SYNPR: variants seen among roughly 807,000 people sequenced by gnomAD.
The protein encoded by SYNPR is synaptoporin.
Under a neutral mutation model 32.9 loss-of-function variants are expected in SYNPR, and 23 were observed. That is an observed-to-expected ratio of 0.70 (90% CI 0.50 to 0.99). The LOEUF (loss-of-function observed/expected upper bound fraction) is 0.99, where lower values mean the gene tolerates loss of function less well. SYNPR is among the 50% of genes least tolerant of loss of function. SYNPR has a pLI of 0.00. For synonymous variants in SYNPR, 146 were observed against 135.9 expected (o/e 1.07, Z -0.52); for missense variants, 318 against 349.3 (o/e 0.91, Z 0.71).
intron 3 of SYNPR, among the ~76,000 whole-genome samples, chr3:63,512,868 C>T (rs997712444): frequency 5.9e-5 from 9 of 152,040 alleles, no homozygotes; most frequent in Non-Finnish European, 1.2e-4. Context: ...AAAACTAATA[C>T]GGGGTTCAAA....
chr3:63,264,321 G>A (rs1208114468), intron 2 of SYNPR, among the ~76,000 whole-genome samples: 2 of 152,104 alleles, frequency 1.3e-5, no homozygotes, highest in Admixed American at 1.3e-4. Context: ...AAGATTAGCA[G>A]ATCGGTGATG....
At chr3:63,435,578 C>T (rs1700069072) in intron 2 of SYNPR, among the ~76,000 whole-genome samples, 1 of 152,178 alleles carries the variant, frequency 6.6e-6, no homozygotes, top group Non-Finnish European at 1.5e-5. Flanking sequence ...ACCCTGGTTC[C>T]TTTGACTGCC....
At chr3:63,304,565 C>T (rs2086891029) in intron 2 of SYNPR, among the ~76,000 whole-genome samples, 2 of 151,920 alleles carry the variant, frequency 1.3e-5, no homozygotes, top group African/African-American at 4.8e-5. Flanking sequence ...TGTCTTTCTC[C>T]TGGAGCCTCC....
At chr3:63,455,089 C>A (rs1700456840) in intron 2 of SYNPR, among the ~76,000 whole-genome samples, 1 of 151,988 alleles carries the variant, frequency 6.6e-6, no homozygotes, top group African/African-American at 2.4e-5. Context: ...TTCTTACTGG[C>A]CCTAATTTGA....
intron 2 of SYNPR, among the ~76,000 whole-genome samples, chr3:63,342,312 G>C (rs1421475652): frequency 6.6e-6 from 1 of 152,058 alleles, no homozygotes; most frequent in African/African-American, 2.4e-5. Context: ...TGTTTGTTTA[G>C]CGTTTTAAAC....
intron 2 of SYNPR, among the ~76,000 whole-genome samples, chr3:63,470,361 A>G (rs1252125809): frequency 1.3e-5 from 2 of 152,170 alleles, no homozygotes; most frequent in Admixed American, 6.5e-5. Context: ...ATTTTTTTAT[A>G]GGAATGAAAA....
intron 2 of SYNPR, among the ~76,000 whole-genome samples, chr3:63,380,051 T>C (rs1575616931): frequency 6.6e-6 from 1 of 152,202 alleles, no homozygotes; most frequent in Non-Finnish European, 1.5e-5. Flanking sequence ...TATTCCATGG[T>C]GTATATGTGC....
At chr3:63,307,971 G>C (rs1165117068) in intron 2 of SYNPR, among the ~76,000 whole-genome samples, 1 of 151,922 alleles carries the variant, frequency 6.6e-6, no homozygotes, top group Admixed American at 6.6e-5. Context: ...AATGAATAAG[G>C]ACTTTTATCC....
intron 3 of SYNPR, among the ~76,000 whole-genome samples, chr3:63,553,037 C>T (rs1454214529): frequency 2.0e-5 from 3 of 151,988 alleles, no homozygotes; most frequent in Non-Finnish European, 4.4e-5. Flanking sequence ...GGGAATATTG[C>T]ACCCAGGCAG....
chr3:63,365,762 C>A (rs780528652), intron 2 of SYNPR, among the ~76,000 whole-genome samples: 2 of 152,106 alleles, frequency 1.3e-5, no homozygotes, highest in Non-Finnish European at 1.5e-5. Context: ...GCGATATATA[C>A]GTATGTGCAC....
chr3:63,281,732 G>A (rs1223882014), intron 2 of SYNPR, among the ~76,000 whole-genome samples: 4 of 152,096 alleles, frequency 2.6e-5, no homozygotes, highest in African/African-American at 4.8e-5. Context: ...TGTGAACTTG[G>A]GGGGAGGCAT....
intron 3 of SYNPR, among the ~76,000 whole-genome samples, chr3:63,540,307 A>G (rs1038457143): frequency 6.6e-6 from 1 of 152,176 alleles, no homozygotes; most frequent in Non-Finnish European, 1.5e-5. Context: ...AAAGAAATTA[A>G]GAAATTAGCT....
chr3:63,397,682 T>G lies in SYNPR; in HGVS notation c.85-83150T>G, dbSNP rs140009756. On this transcript the variant is annotated intron_variant, in intron 2 of 5. Coordinates refer to ENST00000478300, the MANE Select transcript of SYNPR (RefSeq NM_001130003.2). ...GAAGAAAGACTACCAATTTTGGCATTAGGCAGATTCAGTTTCAACCTATAC... is the reference window on the plus strand; with the variant it reads ...GAAGAAAGACTACCAATTTTGGCATGAGGCAGATTCAGTTTCAACCTATAC... 4.4e-3 allele frequency among the ~76,000 whole-genome samples: 665 copies of G among 152,302 alleles called. 11 individuals carry two copies. The highest frequency in any genetic ancestry group is 0.015 in the African/African-American group (633 of 41,570).
In SYNPR at chr3:63,504,112, A is replaced by T. The variant is rs980013630; in HGVS notation, c.209+23156A>T. On this transcript the variant is annotated intron_variant, in intron 3 of 5. Coordinates refer to ENST00000478300, the MANE Select transcript of SYNPR (RefSeq NM_001130003.2). The stretch of plus-strand genomic sequence containing the variant: ...CCTTTTAATGAGTTATTTTATATTA[A>T]TTGTTGAAATTAAAATATTTTACCA... 3.9e-5 allele frequency among the ~76,000 whole-genome samples: 6 copies of T among 152,254 alleles called. No homozygotes were observed. In the East Asian group the frequency reaches 1.2e-3, roughly 29 times the overall value.
chr3:63,363,879 A>G (rs145891248), intron 2 of SYNPR, among the ~76,000 whole-genome samples: 1,766 of 152,250 alleles, frequency 0.012, 23 homozygotes, highest in South Asian at 0.03. Context: ...TAACCTCCCA[A>G]AAGGATTCAT....
intron 2 of SYNPR, among the ~76,000 whole-genome samples, chr3:63,297,010 T>G (rs62251353): frequency 0.29 from 43,414 of 152,094 alleles, 7,504 homozygotes; most frequent in Non-Finnish European, 0.39. Flanking sequence ...AGTTTTTAAT[T>G]TAATTTATTT....
chr3:63,229,274 T>G (rs773283009), intron 1 of SYNPR, among the ~76,000 whole-genome samples: 4 of 152,090 alleles, frequency 2.6e-5, no homozygotes, highest in Non-Finnish European at 5.9e-5. Context: ...TACACACACA[T>G]CCTGTGTGTT....
At chr3:63,382,673 C>T (rs770988090) in intron 2 of SYNPR, among the ~76,000 whole-genome samples, 16 of 152,142 alleles carry the variant, frequency 1.1e-4, no homozygotes, top group Non-Finnish European at 2.1e-4. Context: ...GTGCCAAGGT[C>T]CCTGGCCAAT....
At position 63,540,930 on chromosome 3, in the gene SYNPR, A is replaced by ACACACACACACACACAC. The variant is rs1553644965; in HGVS notation, c.210-15613_210-15612insCACACACACACACACAC. On this transcript the variant is annotated intron_variant, in intron 3 of 5. Coordinates refer to ENST00000478300, the MANE Select transcript of SYNPR (RefSeq NM_001130003.2). ...CACACACACACACAATCCCCCCCCCAACACACACACACACACACACACACA... is the reference window on the plus strand; with the variant it reads ...CACACACACACACAATCCCCCCCCCACACACACACACACACACACACACACACACACACACACACACA... 2.5e-3 allele frequency among the ~76,000 whole-genome samples: 305 copies of ACACACACACACACACAC among 122,810 alleles called. 5 individuals carry two copies. The highest frequency in any genetic ancestry group is 4.7e-3 in the Admixed American group (54 of 11,428). 80.6% of individuals were successfully genotyped at this position (122,810 alleles called of 152,430 possible). A position where few individuals can be genotyped will look rare whatever the true frequency, so the allele number is the denominator to read the frequency against.
Sources: allele counts gnomAD v4.1 joint callset (sites outside exome capture counted in the v4.1 genomes callset), GRCh38; gene constraint gnomAD v4.1.1; transcripts MANE v1.5; gene names NCBI Gene and HGNC (gene_info 2026-07-23, HGNC 2026-07-21).